COL10A1: variants seen among roughly 807,000 people sequenced by gnomAD.
COL10A1 encodes collagen alpha-1(X) chain.
COL10A1 carries 10 observed loss-of-function variants against 18.2 expected under a neutral mutation model. The observed-to-expected ratio is 0.55, with a 90% CI of 0.34 to 0.93. COL10A1 has a LOEUF of 0.93. COL10A1 is among the 40% of genes least tolerant of loss of function. The pLI, the probability that COL10A1 is intolerant of heterozygous loss-of-function variation, is 0.02. For synonymous variants in COL10A1, 330 were observed against 316.6 expected, an observed-to-expected ratio of 1.04 and a Z score of -0.45; for missense variants, 897 against 853.5, an observed-to-expected ratio of 1.05 and a Z score of -0.64.
At chr6:116,148,336 C>T (rs1309358743) in intron 1 of COL10A1, among the ~76,000 whole-genome samples, 1 of 152,070 alleles carries the variant, frequency 6.6e-6, no homozygotes, top group African/African-American at 2.4e-5. Context: ...TACAAAAAGA[C>T]AAAAAGCAAA....
upstream of COL10A1, among the ~76,000 whole-genome samples, chr6:116,130,003 G>A (rs930880044): frequency 6.6e-5 from 10 of 152,236 alleles, no homozygotes; most frequent in East Asian, 1.9e-3. Flanking sequence ...ACTTCTGTTA[G>A]GAAGCCCTTA....
At chr6:116,162,600 A>G (rs1005681357), upstream of COL10A1, among the ~76,000 whole-genome samples, 2 of 152,274 alleles carry the variant, frequency 1.3e-5, no homozygotes, top group African/African-American at 4.8e-5. Flanking sequence ...ATGTTGAACC[A>G]TCCTTGTGTT....
rs1461063338 is a variant in COL10A1 at position 116,119,191 on chromosome 6, G to T, written c.*882C>A. On this transcript the variant is annotated 3_prime_UTR_variant, in exon 3 of 3. Transcript: ENST00000651968. Reference sequence around the variant, plus strand: ...TTCTAGTCGAATTTTGAAACCCTCAGTGTAAATTATAACTTCACTTGAATG... The same window carrying T: ...TTCTAGTCGAATTTTGAAACCCTCATTGTAAATTATAACTTCACTTGAATG... The T allele has an allele frequency of 1.3e-5, 2 of 152,594 alleles. No homozygotes were observed. The highest frequency in any genetic ancestry group is 2.9e-5 in the Non-Finnish European group (2 of 68,018). The allele number at this position is 152,594 out of a possible 1,614,324, so 9.5% of individuals were successfully genotyped here. A position where few individuals can be genotyped will look rare whatever the true frequency, so the allele number is the denominator to read the frequency against.
chr6:116,168,361 C>T, the COL10A1 span, among the ~76,000 whole-genome samples: 107 of 151,964 alleles, frequency 7.0e-4, no homozygotes, highest in African/African-American at 2.3e-3. Context: ...TCTTCAGTTG[C>T]GTCTAATCTG....
chr6:116,165,293 A>G, the COL10A1 span, among the ~76,000 whole-genome samples: 4,740 of 152,158 alleles, frequency 0.031, 235 homozygotes, highest in African/African-American at 0.1. Context: ...GACCTTGGAT[A>G]GTCTGATAAC....
chr6:116,131,542 T>G (rs546594321), intron 1 of COL10A1, among the ~76,000 whole-genome samples: 1 of 152,330 alleles, frequency 6.6e-6, no homozygotes, highest in East Asian at 1.9e-4. Flanking sequence ...TTGCAGAACA[T>G]TGTGTAAAGA....
At chr6:116,169,767 C>T in the COL10A1 span, among the ~76,000 whole-genome samples, 1 of 152,098 alleles carries the variant, frequency 6.6e-6, no homozygotes, top group Non-Finnish European at 1.5e-5. Flanking sequence ...ATTGGACAGA[C>T]ATTTGGAGTT....
chr6:116,205,605 G>A, the COL10A1 span, among the ~76,000 whole-genome samples: 1 of 151,576 alleles, frequency 6.6e-6, no homozygotes, highest in Non-Finnish European at 1.5e-5. Context: ...AAATTGGGGG[G>A]GAAAAAAGGC....
In COL10A1 at chr6:116,151,407, TG is replaced by T. The variant is rs1202070786; in HGVS notation, c.-16+7206del. Among the ~76,000 whole-genome samples the T allele has an allele frequency of 3.3e-5, 5 of 152,358 alleles. No homozygotes were observed. In the East Asian group the frequency reaches 9.6e-4, roughly 29 times the overall value. On this transcript the variant is annotated intron_variant, in intron 1 of 1. Transcript: ENST00000418500. ...TTATGTTTTCAACTCATATTGTTTT[TG>T]GTTTATACCCTCTAAGTGATTGTAT...
chr6:116,174,672 C>T, the COL10A1 span, among the ~76,000 whole-genome samples: 3 of 152,266 alleles, frequency 2.0e-5, no homozygotes, highest in East Asian at 1.9e-4. Context: ...AAGACATCTT[C>T]GATTTTTATA....
At chr6:116,126,985 T>C (rs1779334371), upstream of COL10A1, among the ~76,000 whole-genome samples, 1 of 152,134 alleles carries the variant, frequency 6.6e-6, no homozygotes, top group Admixed American at 6.5e-5. Context: ...TAGGAAGCCT[T>C]TAAAATCAGT....
At chr6:116,132,632 G>A (rs1427005070) in intron 1 of COL10A1, among the ~76,000 whole-genome samples, 1 of 152,010 alleles carries the variant, frequency 6.6e-6, no homozygotes. Context: ...CACATCCCCT[G>A]GCCTAATGTT....
intron 1 of COL10A1, 77 bp from the exon 2 acceptor site, chr6:116,125,584 T>A (rs1432797000): frequency 1.5e-5 from 20 of 1,306,574 alleles, no homozygotes; most frequent in Non-Finnish European, 2.2e-5. Flanking sequence ...CACAGATGAG[T>A]TCTTTATACA....
At chr6:116,168,791 A>G in the COL10A1 span, among the ~76,000 whole-genome samples, 1 of 152,058 alleles carries the variant, frequency 6.6e-6, no homozygotes, top group African/African-American at 2.4e-5. Flanking sequence ...GTCTAGGATA[A>G]CTTTCTACAG....
At chr6:116,172,254 A>G in the COL10A1 span, among the ~76,000 whole-genome samples, 1 of 151,082 alleles carries the variant, frequency 6.6e-6, no homozygotes, top group Non-Finnish European at 1.5e-5. Context: ...TTAAGGTTAT[A>G]TTAGATAAGT....
At position 116,121,185 on chromosome 6, in the gene COL10A1, C is replaced by G. The variant is rs755381030; in HGVS notation, c.931G>C (p.Gly311Arg). 6.2e-6 allele frequency: 10 copies of G among 1,613,348 alleles called. No individual in the cohort carries two copies. The highest frequency in any genetic ancestry group is 5.1e-6 in the Non-Finnish European group (6 of 1,179,722). The change falls in exon 3 of 3, where the codon GGA becomes CGA. Residue 311 changes from glycine (G) to arginine (R), a missense_variant. Coordinates refer to ENST00000651968, the MANE Select transcript of COL10A1 (RefSeq NM_000493.4). Reference protein sequence around the residue: ...PGLPGLKGERGPAGLPGGPGA... With the variant: ...PGLPGLKGERRPAGLPGGPGA... The stretch of plus-strand genomic sequence containing the variant: ...GGACCCCCAGGAAGGCCAGCAGGTC[C>G]TCTTTCTCCCTTCAGGCCTGGCAAG...
the COL10A1 span, among the ~76,000 whole-genome samples, chr6:116,201,599 A>G: frequency 6.6e-6 from 1 of 152,006 alleles, no homozygotes; most frequent in Non-Finnish European, 1.5e-5. Context: ...TGGTTAATAT[A>G]AAGATAATAG....
intron 2 of COL10A1, among the ~76,000 whole-genome samples, chr6:116,122,705 A>G (rs1779169646): frequency 6.6e-6 from 1 of 152,246 alleles, no homozygotes; most frequent in African/African-American, 2.4e-5. Context: ...AGTATGGGGA[A>G]AGCACAGGGT....
intron 1 of COL10A1, among the ~76,000 whole-genome samples, chr6:116,149,501 T>G (rs1263801466): frequency 6.6e-6 from 1 of 152,174 alleles, no homozygotes; most frequent in African/African-American, 2.4e-5. Flanking sequence ...GATAAGTAAC[T>G]TGAGTCTGAG....
Sources: gnomAD v4.1 joint callset for allele counts (sites outside exome capture counted in the v4.1 genomes callset) on GRCh38, gnomAD v4.1.1 for gene constraint, MANE v1.5 for transcripts, NCBI Gene and HGNC (gene_info 2026-07-23, HGNC 2026-07-21) for gene names.